SPANXN4: variants seen among roughly 807,000 people sequenced by gnomAD.
The protein encoded by SPANXN4 is SPANX family member N4, also known as sperm protein associated with the nucleus on the X chromosome N4.
Under a neutral mutation model 6.0 loss-of-function variants are expected in SPANXN4, and 5 were observed. The observed-to-expected ratio is 0.83, with a 90% CI of 0.44 to 1.75. The LOEUF is 1.75. Ranked by LOEUF, SPANXN4 falls within the 40% of genes most tolerant of loss-of-function variation. The pLI is 0.02. For missense variants in SPANXN4, 157 were observed against 108.6 expected (o/e 1.45, Z -1.98); for synonymous variants, 45 against 38.0 (o/e 1.19, Z -0.68).
At chrX:143,034,775 G>A (rs1932835169), downstream of SPANXN4, 4 of 1,040,489 alleles carry the variant, frequency 3.8e-6, no homozygotes, top group Admixed American at 1.2e-4. Context: ...ATGGTGTTTG[G>A]AGGACATGCT....
At chrX:143,036,605 A>C (rs752961397), downstream of SPANXN4, among the ~76,000 whole-genome samples, 1 of 111,731 alleles carries the variant, frequency 9.0e-6, no homozygotes, top group Non-Finnish European at 1.9e-5. Flanking sequence ...CTGTTCTCTA[A>C]ATTTTATTCT....
downstream of SPANXN4, among the ~76,000 whole-genome samples, chrX:143,036,666 A>G (rs1355949752): frequency 8.9e-6 from 1 of 112,043 alleles, no homozygotes; most frequent in Non-Finnish European, 1.9e-5. Context: ...CTTGAATGCT[A>G]TGGCTTTGTG....
chrX:143,028,509 A>G (rs752264271), intron 1 of SPANXN4, among the ~76,000 whole-genome samples: 2 of 111,226 alleles, frequency 1.8e-5, no homozygotes, highest in African/African-American at 6.5e-5. Context: ...GGCCCACTTA[A>G]TGTTTAGAGC....
chrX:143,032,902 A>G (rs1224963844), intron 1 of SPANXN4, among the ~76,000 whole-genome samples: 3 of 111,464 alleles, frequency 2.7e-5, no homozygotes, highest in African/African-American at 9.8e-5. Context: ...GAGAGCTGGG[A>G]TGTACCAAAG....
At position 143,034,012 on chromosome X, in the gene SPANXN4, G is replaced by GT. The variant is rs751507921; in HGVS notation, c.79-9dup. The GT allele has an allele frequency of 1.7e-4, 200 of 1,159,327 alleles. 2 individuals are homozygous for GT. The highest frequency in any genetic ancestry group is 9.2e-4 in the South Asian group (47 of 50,928). The stretch of plus-strand genomic sequence containing the variant: ...AATAACACCATTCTGGCCTCTCCCT[G>GT]TTTTTTTACCAGAAGAAGAAGAATC... On this transcript the variant is annotated splice_polypyrimidine_tract_variant and intron_variant, in intron 1 of 2. Transcript: ENST00000370504.
At chrX:143,038,281 G>A (rs1409794967), downstream of SPANXN4, among the ~76,000 whole-genome samples, 3 of 111,531 alleles carry the variant, frequency 2.7e-5, no homozygotes, top group Admixed American at 2.9e-4. Context: ...TATATGCCAA[G>A]GTCTTTTCTA....
chrX:143,033,192 A>T (rs1024511915), intron 1 of SPANXN4, among the ~76,000 whole-genome samples: 2 of 111,380 alleles, frequency 1.8e-5, no homozygotes, highest in Non-Finnish European at 1.9e-5. Context: ...GAAGCAGAGG[A>T]TGGAGAGTTT....
downstream of SPANXN4, among the ~76,000 whole-genome samples, chrX:143,035,664 A>G (rs1292174892): frequency 1.8e-5 from 2 of 110,680 alleles, no homozygotes; most frequent in Admixed American, 9.7e-5. Flanking sequence ...TTTATTTTAA[A>G]GAAATTTTAT....
At position 143,030,116 on chromosome X, in the gene SPANXN4, C is replaced by G. The variant is rs1476608898; in HGVS notation, c.79-3912C>G. ...CTGGGTTCAGGTGTTTTAAGATGGG[C>G]CCATGTGAGGCCGTGTAAAGCAGCT... On this transcript the variant is annotated intron_variant, in intron 1 of 2. Transcript: ENST00000370504. Among the ~76,000 whole-genome samples the G allele has an allele frequency of 4.6e-5, 5 of 108,419 alleles. No individual in the cohort carries two copies. In the East Asian group the frequency reaches 1.5e-3, roughly 32 times the overall value. 94.1% of individuals were successfully genotyped at this position (108,419 alleles called of 115,157 possible). A position where few individuals can be genotyped will look rare whatever the true frequency, so the allele number is the denominator to read the frequency against.
At chrX:143,036,198 C>G (rs771963626), downstream of SPANXN4, among the ~76,000 whole-genome samples, 2 of 109,523 alleles carry the variant, frequency 1.8e-5, no homozygotes, top group African/African-American at 6.7e-5. Context: ...TCTTCAGGAC[C>G]TAGGCATACT....
At chrX:143,030,057 T>G (rs1250678278) in intron 1 of SPANXN4, among the ~76,000 whole-genome samples, 1 of 103,335 alleles carries the variant, frequency 9.7e-6, no homozygotes, top group Non-Finnish European at 2.0e-5. Context: ...TTTTTTAGTT[T>G]GTTTTTTTTT....
intron 1 of SPANXN4, among the ~76,000 whole-genome samples, chrX:143,030,220 T>G (rs1932802190): frequency 9.1e-6 from 1 of 110,396 alleles, no homozygotes; most frequent in Admixed American, 9.6e-5. Context: ...TCCTTTTTGG[T>G]GTAGGGAAGG....
chrX:143,037,355 A>G (rs1366653384), downstream of SPANXN4, among the ~76,000 whole-genome samples: 1 of 111,674 alleles, frequency 9.0e-6, no homozygotes, highest in Non-Finnish European at 1.9e-5. Flanking sequence ...CTGCATACTT[A>G]TCTTCTCCCT....
chrX:143,034,619 A>T, exon 3 of SPANXN4: 1 of 1,166,026 alleles, frequency 8.6e-7, no homozygotes, highest in Non-Finnish European at 1.1e-6. Flanking sequence ...CAAAATGAAG[A>T]CATCAGAATC....
chrX:143,027,129 G>A (rs1455300550), intron 1 of SPANXN4, among the ~76,000 whole-genome samples: 2 of 112,122 alleles, frequency 1.8e-5, no homozygotes, highest in African/African-American at 3.2e-5. Context: ...TGTAGCTTAT[G>A]GTGGCAAGTC....
chrX:143,033,394 G>A (rs5907380), intron 1 of SPANXN4, among the ~76,000 whole-genome samples: 44,215 of 109,821 alleles, frequency 0.4, 6,618 homozygotes, highest in East Asian at 0.53. Flanking sequence ...GCACCAAAAT[G>A]TTAGGTTTTG....
At chrX:143,036,049 T>C (rs189048672), downstream of SPANXN4, among the ~76,000 whole-genome samples, 115 of 106,553 alleles carry the variant, frequency 1.1e-3, no homozygotes, top group African/African-American at 3.7e-3. Flanking sequence ...CTTAGTGTGA[T>C]GTCCTCCTGG....
chrX:143,029,479 G>T (rs1426451722), intron 1 of SPANXN4, among the ~76,000 whole-genome samples: 4 of 111,329 alleles, frequency 3.6e-5, no homozygotes, highest in South Asian at 3.8e-4. Context: ...TAATGGTGAC[G>T]TGGACAGCTG....
chrX:143,038,233 A>G (rs1298474797), downstream of SPANXN4, among the ~76,000 whole-genome samples: 1 of 111,883 alleles, frequency 8.9e-6, no homozygotes, highest in Non-Finnish European at 1.9e-5. Flanking sequence ...GAATTGTAGA[A>G]TCATATAACT....
Sources: allele counts gnomAD v4.1 joint callset (sites outside exome capture counted in the v4.1 genomes callset), GRCh38; gene constraint gnomAD v4.1.1; transcripts MANE v1.5; gene names NCBI Gene and HGNC (gene_info 2026-07-23, HGNC 2026-07-21).